Variants in HS6ST3 observed in about 807,000 individuals in gnomAD.
The protein encoded by HS6ST3 is heparan-sulfate 6-O-sulfotransferase 3.
A neutral mutation model predicts 36.7 loss-of-function variants in HS6ST3; 12 were observed. That is an observed-to-expected ratio of 0.33 (90% CI 0.21 to 0.53). The LOEUF (loss-of-function observed/expected upper bound fraction) is 0.53, where lower values mean the gene tolerates loss of function less well. Among genes scored for constraint, HS6ST3 ranks in the 20% least tolerant of loss-of-function variants. The pLI, the probability that HS6ST3 is intolerant of heterozygous loss-of-function variation, is 0.95. For synonymous variants in HS6ST3, 240 were observed against 257.5 expected (o/e 0.93, Z 0.65); for missense variants, 584 against 640.9 (o/e 0.91, Z 0.96).
At chr13:96,425,997 G>C (rs1306632464) in intron 1 of HS6ST3, among the ~76,000 whole-genome samples, 1 of 151,630 alleles carries the variant, frequency 6.6e-6, no homozygotes, top group Non-Finnish European at 1.5e-5. Flanking sequence ...ACAAGTCAGT[G>C]CCCCCCGAGA....
chr13:96,251,599 C>G (rs971796920), intron 1 of HS6ST3, among the ~76,000 whole-genome samples: 3 of 151,570 alleles, frequency 2.0e-5, no homozygotes, highest in African/African-American at 4.8e-5. Context: ...TGTCTTTTTC[C>G]TTCTAATGTT....
chr13:96,253,227 G>A (rs1033193681), intron 1 of HS6ST3, among the ~76,000 whole-genome samples: 4 of 151,994 alleles, frequency 2.6e-5, no homozygotes, highest in Non-Finnish European at 4.4e-5. Flanking sequence ...CAGTTGCTGT[G>A]TGCTCCTTCC....
chr13:96,307,352 A>G (rs139341290), intron 1 of HS6ST3, among the ~76,000 whole-genome samples: 1 of 152,302 alleles, frequency 6.6e-6, no homozygotes, highest in Non-Finnish European at 1.5e-5. Context: ...GAGAATAATT[A>G]TTAAATGATT....
At chr13:96,527,100 G>GC (rs2056117313) in intron 1 of HS6ST3, among the ~76,000 whole-genome samples, 1 of 148,094 alleles carries the variant, frequency 6.8e-6, no homozygotes, top group Admixed American at 6.7e-5. Context: ...TTTTTTTATT[G>GC]TTTTTTTAGA....
At chr13:96,222,257 A>G (rs1261665627) in intron 1 of HS6ST3, among the ~76,000 whole-genome samples, 4 of 152,294 alleles carry the variant, frequency 2.6e-5, no homozygotes, top group East Asian at 1.9e-4. Flanking sequence ...GACAAACTAC[A>G]TAAGACAAAG....
chr13:96,819,205 A>G (rs1242157060), intron 1 of HS6ST3, among the ~76,000 whole-genome samples: 1 of 152,216 alleles, frequency 6.6e-6, no homozygotes, highest in East Asian at 1.9e-4. Flanking sequence ...GAAAAAAGAA[A>G]TGACAGAATA....
chr13:96,286,366 T>C (rs2054802563), intron 1 of HS6ST3, among the ~76,000 whole-genome samples: 1 of 152,186 alleles, frequency 6.6e-6, no homozygotes, highest in African/African-American at 2.4e-5. Context: ...ATGCAGTCTT[T>C]GAAAGCTCTG....
chr13:96,442,612 G>A (rs2055677482), intron 1 of HS6ST3, among the ~76,000 whole-genome samples: 1 of 152,128 alleles, frequency 6.6e-6, no homozygotes, highest in Admixed American at 6.5e-5. Flanking sequence ...AAAAAATGAA[G>A]TTATGAGCTT....
At chr13:96,559,273 C>T (rs1258020972) in intron 1 of HS6ST3, among the ~76,000 whole-genome samples, 1 of 152,050 alleles carries the variant, frequency 6.6e-6, no homozygotes, top group Non-Finnish European at 1.5e-5. Flanking sequence ...CCCCCCCCAC[C>T]ACACGTGGCT....
chr13:96,246,912 A>G (rs1023967139), intron 1 of HS6ST3, among the ~76,000 whole-genome samples: 1 of 152,178 alleles, frequency 6.6e-6, no homozygotes, highest in Admixed American at 6.6e-5. Context: ...GAGAATGGTA[A>G]TTGATTTTGC....
intron 1 of HS6ST3, among the ~76,000 whole-genome samples, chr13:96,108,881 A>G (rs1009439748): frequency 6.6e-6 from 1 of 152,184 alleles, no homozygotes; most frequent in African/African-American, 2.4e-5. Context: ...CATCAGGTGC[A>G]TGGGAACTCC....
chr13:96,532,072 A>G (rs1233224595), intron 1 of HS6ST3, among the ~76,000 whole-genome samples: 2 of 152,180 alleles, frequency 1.3e-5, no homozygotes, highest in Non-Finnish European at 2.9e-5. Flanking sequence ...CCAGCAAGGG[A>G]AAGGCCCATC....
intron 1 of HS6ST3, among the ~76,000 whole-genome samples, chr13:96,601,991 C>G (rs1055336368): frequency 6.6e-6 from 1 of 152,158 alleles, no homozygotes; most frequent in African/African-American, 2.4e-5. Context: ...TGGCAGAGGT[C>G]TCATGAAGTA....
At chr13:96,230,912 A>G (rs889759796) in intron 1 of HS6ST3, among the ~76,000 whole-genome samples, 1 of 152,140 alleles carries the variant, frequency 6.6e-6, no homozygotes, top group Non-Finnish European at 1.5e-5. Context: ...ACCCAAGACA[A>G]ACAGAAAGAC....
At chr13:96,318,441 G>A (rs2054986830) in intron 1 of HS6ST3, among the ~76,000 whole-genome samples, 1 of 152,158 alleles carries the variant, frequency 6.6e-6, no homozygotes, top group Non-Finnish European at 1.5e-5. Context: ...CTGAGGCAGG[G>A]AGAATTGCTT....
At position 96,728,381 on chromosome 13, in the gene HS6ST3, T is replaced by C. The variant is rs367829461; in HGVS notation, c.708-104109T>C. ...GTCTTATAGATTAGGGCAGTTTCCATGGTATCATTCTGTCTCCCTAAAATA... is the reference window on the plus strand; with the variant it reads ...GTCTTATAGATTAGGGCAGTTTCCACGGTATCATTCTGTCTCCCTAAAATA... On this transcript the variant is annotated intron_variant, in intron 1 of 1. Transcript: ENST00000376705. 2.6e-5 allele frequency among the ~76,000 whole-genome samples: 4 copies of C among 152,300 alleles called. No individual in the cohort carries two copies. The East Asian group carries it at 7.7e-4, about 29-fold the overall frequency.
At chr13:96,525,138 G>A (rs757780546) in intron 1 of HS6ST3, among the ~76,000 whole-genome samples, 13 of 151,960 alleles carry the variant, frequency 8.6e-5, no homozygotes, top group African/African-American at 1.2e-4. Context: ...GTTTTCTCTC[G>A]TATCAATTAA....
intron 1 of HS6ST3, among the ~76,000 whole-genome samples, chr13:96,434,950 G>A: frequency 6.6e-6 from 1 of 152,004 alleles, no homozygotes; most frequent in Non-Finnish European, 1.5e-5. Flanking sequence ...GGAGTTGTTT[G>A]TCTTAATGGA....
chr13:96,401,247 T>C (rs1005883503), intron 1 of HS6ST3, among the ~76,000 whole-genome samples: 20 of 152,200 alleles, frequency 1.3e-4, no homozygotes, highest in African/African-American at 4.1e-4. Context: ...ATCATTCTAT[T>C]TTTAACTCTG....
Sources: allele counts gnomAD v4.1 joint callset (sites outside exome capture counted in the v4.1 genomes callset), GRCh38; gene constraint gnomAD v4.1.1; transcripts MANE v1.5; gene names NCBI Gene and HGNC (gene_info 2026-07-23, HGNC 2026-07-21).